The following BRD10 variants were observed in gnomAD, a reference collection of about 807,000 sequenced individuals.
BRD10 encodes bromodomain containing 10.
the BRD10 span, among the ~76,000 whole-genome samples, chr9:5,996,969 A>G: frequency 6.6e-6 from 1 of 152,200 alleles, no homozygotes; most frequent in African/African-American, 2.4e-5. Context: ...GTACGCAGGT[A>G]AATACCTTGG....
the BRD10 span, among the ~76,000 whole-genome samples, chr9:5,914,476 A>C: frequency 8.2e-6 from 1 of 121,554 alleles, no homozygotes; most frequent in Non-Finnish European, 1.6e-5. Context: ...CAGGCTGGAG[A>C]GCAGTGACGC....
the BRD10 span, among the ~76,000 whole-genome samples, chr9:6,001,242 T>C: frequency 6.6e-6 from 1 of 152,226 alleles, no homozygotes; most frequent in African/African-American, 2.4e-5. Flanking sequence ...AATCTTTTAA[T>C]TGGTTTTCTT....
At chr9:5,989,235 T>TAAAAAAAAA in the BRD10 span, among the ~76,000 whole-genome samples, 13 of 46,184 alleles carry the variant, frequency 2.8e-4, 1 homozygote, top group Non-Finnish European at 4.1e-4. Context: ...TCTGTCTCAT[T>TAAAAAAAAA]AAAAAAAAAA....
chr9:5,943,354 T>C, the BRD10 span, among the ~76,000 whole-genome samples: 1 of 152,124 alleles, frequency 6.6e-6, no homozygotes, highest in African/African-American at 2.4e-5. Context: ...ATTTATAATA[T>C]GGGAATAAAT....
the BRD10 span, among the ~76,000 whole-genome samples, chr9:5,925,986 C>G: frequency 1.3e-5 from 2 of 152,048 alleles, no homozygotes; most frequent in Non-Finnish European, 2.9e-5. Context: ...GGCACAATCT[C>G]GGCTCACTGC....
chr9:5,988,176 T>C, the BRD10 span, among the ~76,000 whole-genome samples: 1 of 152,232 alleles, frequency 6.6e-6, no homozygotes, highest in African/African-American at 2.4e-5. Context: ...GATAAGTGGT[T>C]TTAAATTTTA....
At chr9:5,889,917 A>G in the BRD10 span, among the ~76,000 whole-genome samples, 49 of 152,180 alleles carry the variant, frequency 3.2e-4, 1 homozygote, top group African/African-American at 1.1e-3. Context: ...AATTTCATCT[A>G]TCCCTTTCAC....
At chr9:5,929,522 C>G in the BRD10 span, among the ~76,000 whole-genome samples, 1 of 152,080 alleles carries the variant, frequency 6.6e-6, no homozygotes, top group Non-Finnish European at 1.5e-5. Flanking sequence ...AGTAAAGTTA[C>G]TGTAACTTTC....
the BRD10 span, among the ~76,000 whole-genome samples, chr9:5,880,893 T>TG: frequency 2.6e-5 from 4 of 151,982 alleles, no homozygotes; most frequent in Admixed American, 1.3e-4. Context: ...TTAGTAGACA[T>TG]GGGGTTTCAT....
the BRD10 span, among the ~76,000 whole-genome samples, chr9:6,005,225 T>C: frequency 2.0e-5 from 3 of 152,204 alleles, no homozygotes; most frequent in Non-Finnish European, 4.4e-5. Context: ...AAATGTTTAT[T>C]ATAGGCCGGG....
chr9:6,004,266 A>T, the BRD10 span, among the ~76,000 whole-genome samples: 1 of 152,174 alleles, frequency 6.6e-6, no homozygotes, highest in African/African-American at 2.4e-5. Context: ...GAATTATTCT[A>T]TTTTTAAGTA....
the BRD10 span, among the ~76,000 whole-genome samples, chr9:5,963,605 C>T: frequency 6.6e-6 from 1 of 152,102 alleles, no homozygotes; most frequent in East Asian, 1.9e-4. Flanking sequence ...CAAGTCAATC[C>T]TAAGCCAAAA....
chr9:5,898,637 G>T, the BRD10 span, among the ~76,000 whole-genome samples: 1 of 152,158 alleles, frequency 6.6e-6, no homozygotes, highest in African/African-American at 2.4e-5. Context: ...GGGGTTTGAG[G>T]TTCCCTTATA....
At chr9:5,990,452 G>A in the BRD10 span, among the ~76,000 whole-genome samples, 1 of 152,086 alleles carries the variant, frequency 6.6e-6, no homozygotes, top group Non-Finnish European at 1.5e-5. Context: ...AAGGAAAACT[G>A]AGAAAAATGG....
chr9:5,967,316 C>CA, the BRD10 span, among the ~76,000 whole-genome samples: 1 of 151,910 alleles, frequency 6.6e-6, no homozygotes, highest in Admixed American at 6.6e-5. Flanking sequence ...ACAAGAAAAG[C>CA]AAAAGCACCT....
the BRD10 span, among the ~76,000 whole-genome samples, chr9:5,934,104 T>C: frequency 6.6e-6 from 1 of 152,098 alleles, no homozygotes; most frequent in African/African-American, 2.4e-5. Flanking sequence ...TAAAATCATA[T>C]AAAAATATAC....
the BRD10 span, among the ~76,000 whole-genome samples, chr9:5,914,410 G>GTTTTTTTTTTTT: frequency 7.9e-5 from 6 of 75,488 alleles, 1 homozygote; most frequent in African/African-American, 3.5e-4. Flanking sequence ...AATCCAGATG[G>GTTTTTTTTTTTT]TTTTTTTTTT....
the BRD10 span, among the ~76,000 whole-genome samples, chr9:5,985,716 C>T: frequency 2.0e-5 from 3 of 151,748 alleles, no homozygotes; most frequent in Admixed American, 6.6e-5. Flanking sequence ...ACCTGGGAGG[C>T]GGAGGTTGTG....
At chr9:5,916,785 C>T in the BRD10 span, among the ~76,000 whole-genome samples, 1 of 152,036 alleles carries the variant, frequency 6.6e-6, no homozygotes. Flanking sequence ...CATGACTCTC[C>T]AGTATCATGA....
Sources: gnomAD v4.1 joint callset for allele counts (sites outside exome capture counted in the v4.1 genomes callset) on GRCh38, gnomAD v4.1.1 for gene constraint, MANE v1.5 for transcripts, NCBI Gene and HGNC (gene_info 2026-07-23, HGNC 2026-07-21) for gene names.